The following ADGRG2 variants were observed in gnomAD, a reference collection of about 807,000 sequenced individuals.
The protein encoded by ADGRG2 is adhesion G protein-coupled receptor G2.
ADGRG2 carries 26 observed loss-of-function variants against 74.1 expected under a neutral mutation model. That is an observed-to-expected ratio of 0.35 (90% confidence interval 0.26 to 0.49). ADGRG2 has a LOEUF of 0.49. ADGRG2 is among the 20% of genes least tolerant of loss of function. The probability of loss-of-function intolerance (pLI) is 0.99; values close to 1 mark genes in which losing one functional copy is unlikely to be tolerated. For missense variants in ADGRG2, 619 were observed against 763.1 expected, an observed-to-expected ratio of 0.81 and a Z score of 2.22; for synonymous variants, 296 against 295.2, an observed-to-expected ratio of 1.00 and a Z score of -0.03.
At chrX:19,109,822 T>C (rs761926596) in intron 1 of ADGRG2, among the ~76,000 whole-genome samples, 6 of 112,029 alleles carry the variant, frequency 5.4e-5, no homozygotes, top group African/African-American at 1.9e-4. Context: ...GCCAGGAAAG[T>C]CCCACACTGA....
intron 4 of ADGRG2, among the ~76,000 whole-genome samples, chrX:19,038,406 G>C (rs1408793373): frequency 1.8e-5 from 2 of 111,905 alleles, no homozygotes; most frequent in African/African-American, 6.5e-5. Context: ...GACTGCTCTT[G>C]TGTTGGCTGA....
At chrX:19,006,774 T>C (rs1273243074) in intron 20 of ADGRG2, among the ~76,000 whole-genome samples, 1 of 105,311 alleles carries the variant, frequency 9.5e-6, no homozygotes, top group Non-Finnish European at 1.9e-5. Flanking sequence ...TTTTTTTTTT[T>C]TTGAGACAGG....
At chrX:18,997,718 C>T (rs1430253801) in intron 26 of ADGRG2, among the ~76,000 whole-genome samples, 2 of 112,185 alleles carry the variant, frequency 1.8e-5, no homozygotes, top group African/African-American at 6.5e-5. Flanking sequence ...CAACCAAATT[C>T]GGCATTTGAA....
intron 3 of ADGRG2, among the ~76,000 whole-genome samples, chrX:19,064,635 T>A (rs73445684): frequency 0.028 from 3,106 of 112,205 alleles, 116 homozygotes; most frequent in African/African-American, 0.095. Flanking sequence ...CTCACAATTA[T>A]GGATTCCATC....
intron 1 of ADGRG2, among the ~76,000 whole-genome samples, chrX:19,110,990 G>A (rs763037345): frequency 1.8e-5 from 2 of 111,612 alleles, no homozygotes; most frequent in East Asian, 2.8e-4. Flanking sequence ...AGAAAGAGAC[G>A]GAGAAGGATG....
At chrX:19,022,340 C>T (rs68149940) in intron 13 of ADGRG2, among the ~76,000 whole-genome samples, 29,118 of 110,457 alleles carry the variant, frequency 0.26, 4,179 homozygotes, top group African/African-American at 0.54. Flanking sequence ...TTCTCTCTGT[C>T]CTTTCTACTT....
Position 19,040,100 on chromosome X carries a change from G to T in ADGRG2, c.154+89C>A, listed in dbSNP as rs1338015066. ...AAGCTTCTTGGAGGAAAACAATTTT[G>T]TTGTACCTGACTACATGCCATGTTT... On this transcript the variant is annotated intron_variant, in intron 4 of 28. Coordinates refer to ENST00000379869, the MANE Select transcript of ADGRG2 (RefSeq NM_001079858.3). 4 of 630,763 alleles carry T rather than the reference G, an allele frequency of 6.3e-6. No homozygotes were observed. The African/African-American group carries it at 6.7e-5, about 11-fold the overall frequency. The allele number at this position is 630,763 out of a possible 1,213,427, so 52.0% of individuals were successfully genotyped here. A position where few individuals can be genotyped will look rare whatever the true frequency, so the allele number is the denominator to read the frequency against.
At chrX:19,061,643 C>G (rs2061490918) in intron 3 of ADGRG2, among the ~76,000 whole-genome samples, 1 of 112,185 alleles carries the variant, frequency 8.9e-6, no homozygotes. Flanking sequence ...GTTTCAGAGC[C>G]TCCACTCCAG....
At position 19,040,230 on chromosome X, in the gene ADGRG2, G is replaced by C; in HGVS notation, c.119-6C>G. On this transcript the variant is annotated splice_region_variant and splice_polypyrimidine_tract_variant and intron_variant, in intron 3 of 28. Coordinates refer to ENST00000379869, the MANE Select transcript of ADGRG2 (RefSeq NM_001079858.3). ...ACTGGAATTATCAGTATCTTCTGTT[G>C]AGGAAAAGAGGTGATTCAGAATTAG... 9.0e-7 allele frequency: 1 copy of C among 1,111,376 alleles called. No homozygotes were observed. The highest frequency in any genetic ancestry group is 1.9e-5 in the South Asian group (1 of 51,739). The allele number at this position is 1,111,376 out of a possible 1,213,427, so 91.6% of individuals were successfully genotyped here. A position where few individuals can be genotyped will look rare whatever the true frequency, so the allele number is the denominator to read the frequency against.
In ADGRG2 at chrX:19,060,631, C is replaced by T. The variant is rs183684489; in HGVS notation, c.118+8086G>A. Among the ~76,000 whole-genome samples, 404 of 108,038 alleles carry T rather than the reference C, an allele frequency of 3.7e-3. 2 individuals are homozygous for T. Among genetic ancestry groups the T allele is most frequent in the African/African-American group, 0.013 (381 of 29,499 alleles). 93.8% of individuals were successfully genotyped at this position (108,038 alleles called of 115,157 possible). A position where few individuals can be genotyped will look rare whatever the true frequency, so the allele number is the denominator to read the frequency against. The stretch of plus-strand genomic sequence containing the variant: ...TGGTGCAATCTCAGCTCACTGCAAC[C>T]TCTGCTCCCAGGTTCAAGCAATTCT... On this transcript the variant is annotated intron_variant, in intron 3 of 28. Transcript: ENST00000379869.
chrX:19,045,531 C>T (rs961601336), intron 3 of ADGRG2, among the ~76,000 whole-genome samples: 30 of 109,430 alleles, frequency 2.7e-4, no homozygotes, highest in African/African-American at 9.3e-4. Context: ...TGGTCTGGAA[C>T]TCCTGACCTC....
intron 15 of ADGRG2, among the ~76,000 whole-genome samples, chrX:19,018,963 C>T (rs1308281538): frequency 2.7e-5 from 3 of 111,559 alleles, no homozygotes; most frequent in African/African-American, 6.5e-5. Context: ...CTGCCTCAGC[C>T]TCCTGAGTAG....
intron 10 of ADGRG2, 42 bp downstream of exon 10, chrX:19,028,141 T>C (rs1203883840): frequency 1.5e-6 from 1 of 678,267 alleles, no homozygotes; most frequent in South Asian, 2.4e-5. Context: ...ATAAATGAAT[T>C]TGCCTTTTAA....
chrX:19,093,924 CACACACACACA>C (rs762317604), intron 1 of ADGRG2, among the ~76,000 whole-genome samples: 1 of 105,114 alleles, frequency 9.5e-6, no homozygotes, highest in African/African-American at 4.0e-5. Context: ...CACACACACA[CACACACACACA>C]CACCCCATGG....
At chrX:18,993,440 T>C (rs895188212) in intron 28 of ADGRG2, among the ~76,000 whole-genome samples, 2 of 109,059 alleles carry the variant, frequency 1.8e-5, no homozygotes, top group African/African-American at 6.7e-5. Flanking sequence ...CCCAGCACTT[T>C]GGGAGGCTGA....
chrX:19,012,661 A>G (rs980878816), intron 16 of ADGRG2, among the ~76,000 whole-genome samples: 25 of 109,557 alleles, frequency 2.3e-4, no homozygotes, highest in Non-Finnish European at 4.6e-4. Context: ...AAACAATTTA[A>G]AAAACTTTAC....
chrX:19,100,886 A>G (rs947933918), intron 1 of ADGRG2, among the ~76,000 whole-genome samples: 2 of 113,501 alleles, frequency 1.8e-5, no homozygotes, highest in Non-Finnish European at 3.7e-5. Context: ...GCGATGGCAA[A>G]TGAAAGCAAA....
chrX:19,035,489 T>C (rs1029128242), intron 7 of ADGRG2: 1 of 112,379 alleles, frequency 8.9e-6, no homozygotes, highest in African/African-American at 3.2e-5. Context: ...ATGGGCAAGA[T>C]ACAAAAATCT....
At position 19,007,390 on chromosome X, in the gene ADGRG2, T is replaced by C. The variant is rs140298362; in HGVS notation, c.1567-33A>G. On this transcript the variant is annotated intron_variant, in intron 19 of 28. Transcript: ENST00000379869. Reference sequence around the variant, plus strand: ...ATCAAGATGGCAAGGGTAAATGAGATATTGTCAGAGTTTTAGAGCTAGAAG... The same window carrying C: ...ATCAAGATGGCAAGGGTAAATGAGACATTGTCAGAGTTTTAGAGCTAGAAG... The C allele has an allele frequency of 1.4e-3, 1,693 of 1,182,868 alleles. 18 individuals carry two copies. The African/African-American group carries it at 0.022, about 16-fold the overall frequency.
Sources: gnomAD v4.1 joint callset for allele counts (sites outside exome capture counted in the v4.1 genomes callset) on GRCh38, gnomAD v4.1.1 for gene constraint, MANE v1.5 for transcripts, NCBI Gene and HGNC (gene_info 2026-07-23, HGNC 2026-07-21) for gene names.